RGS22: variants seen among roughly 807,000 people sequenced by gnomAD.
RGS22 encodes the protein regulator of G-protein signaling 22.
A neutral mutation model predicts 172.9 loss-of-function variants in RGS22; 148 were observed. The observed-to-expected ratio is 0.86, with a 90% CI of 0.75 to 0.98. The LOEUF (loss-of-function observed/expected upper bound fraction) is 0.98, where lower values mean the gene tolerates loss of function less well. RGS22 is among the 50% of genes least tolerant of loss of function. The probability of loss-of-function intolerance (pLI) is 0.00; values close to 1 mark genes in which losing one functional copy is unlikely to be tolerated. For missense variants in RGS22, 1,347 were observed against 1,440.8 expected (o/e 0.93, Z 1.05); for synonymous variants, 458 against 480.2 (o/e 0.95, Z 0.60).
chr8:99,991,704 A>G (rs1486357849), intron 20 of RGS22, among the ~76,000 whole-genome samples: 2 of 152,230 alleles, frequency 1.3e-5, no homozygotes, highest in Non-Finnish European at 2.9e-5. Context: ...TCAGGATATT[A>G]TCCAGGAGAA....
intron 3 of RGS22, among the ~76,000 whole-genome samples, chr8:100,089,976 AAC>A (rs1002753501): frequency 2.6e-5 from 4 of 152,266 alleles, no homozygotes; most frequent in African/African-American, 9.6e-5. Context: ...CCCTGATAAA[AAC>A]AGTTAAAAAG....
chr8:100,106,048 G>T lies in RGS22; in HGVS notation c.-127C>A. 1 of 1,168,798 alleles carries T rather than the reference G, an allele frequency of 8.6e-7. No individual in the cohort carries two copies. The highest frequency in any genetic ancestry group is 4.3e-5 in the South Asian group (1 of 23,380). The allele number at this position is 1,168,798 out of a possible 1,614,324, so 72.4% of individuals were successfully genotyped here. ...GGGCTCCGGAGCTACGCTGGCTAGCGTGGCCGGCGCCGCGCCGGGGTTGCT... is the reference window on the plus strand; with the variant it reads ...GGGCTCCGGAGCTACGCTGGCTAGCTTGGCCGGCGCCGCGCCGGGGTTGCT... On this transcript the variant is annotated 5_prime_UTR_variant, in exon 1 of 28. Transcript: ENST00000360863.
chr8:100,056,102 G>T (rs950451553), intron 9 of RGS22, among the ~76,000 whole-genome samples: 5 of 152,162 alleles, frequency 3.3e-5, no homozygotes, highest in African/African-American at 1.2e-4. Flanking sequence ...GGTTGAGGTG[G>T]TCTCAGACGG....
Position 99,961,019 on chromosome 8 carries a change from G to GA in RGS22, c.*222dup, listed in dbSNP as rs1319956029. The GA allele has an allele frequency of 2.9e-6, 1 of 343,602 alleles. No homozygotes were observed. The highest frequency in any genetic ancestry group is 5.3e-4 in the Middle Eastern group (1 of 1,882). 21.3% of individuals were successfully genotyped at this position (343,602 alleles called of 1,614,324 possible). A position where few individuals can be genotyped will look rare whatever the true frequency, so the allele number is the denominator to read the frequency against. On this transcript the variant is annotated 3_prime_UTR_variant, in exon 28 of 28. Transcript: ENST00000360863. ...TATAGTCTTGTATGTCATGTGTACAGAATAGCTATAATTTTAAAACTGCGA... is the reference window on the plus strand; with the variant it reads ...TATAGTCTTGTATGTCATGTGTACAGAAATAGCTATAATTTTAAAACTGCGA...
chr8:100,038,565 T>C, intron 14 of RGS22: 1 of 165,724 alleles, frequency 6.0e-6, no homozygotes, highest in Non-Finnish European at 1.3e-5. Context: ...TTGGTCAATG[T>C]CTCTGTTCCC....
intron 14 of RGS22, among the ~76,000 whole-genome samples, chr8:100,036,524 T>C (rs1819493671): frequency 6.6e-6 from 1 of 152,202 alleles, no homozygotes; most frequent in African/African-American, 2.4e-5. Context: ...TGTAAGTCTC[T>C]TGAAATCAAA....
At chr8:99,978,219 T>A (rs1308532282) in intron 22 of RGS22, 144 bp from the exon 23 acceptor site, 2 of 476,114 alleles carry the variant, frequency 4.2e-6, no homozygotes, top group African/African-American at 4.1e-5. Context: ...CTTGGTATAG[T>A]TTTGCTCAGC....
chr8:99,983,183 A>G (rs1394906146), intron 21 of RGS22, among the ~76,000 whole-genome samples: 1 of 152,068 alleles, frequency 6.6e-6, no homozygotes, highest in Non-Finnish European at 1.5e-5. Flanking sequence ...TATGTACCAC[A>G]TTTTCTTTAT....
intron 6 of RGS22, among the ~76,000 whole-genome samples, chr8:100,067,818 T>C (rs1048016515): frequency 6.6e-5 from 10 of 151,734 alleles, no homozygotes; most frequent in Non-Finnish European, 1.3e-4. Context: ...AGAGATGGGG[T>C]TTCACCATGT....
intron 14 of RGS22, among the ~76,000 whole-genome samples, chr8:100,026,910 G>A (rs1349051591): frequency 2.6e-5 from 4 of 152,166 alleles, no homozygotes; most frequent in Admixed American, 6.5e-5. Context: ...CCAGTAAAGC[G>A]AGAAATTATT....
chr8:100,049,370 G>T (rs1045754131), intron 10 of RGS22, among the ~76,000 whole-genome samples: 1 of 152,108 alleles, frequency 6.6e-6, no homozygotes, highest in African/African-American at 2.4e-5. Context: ...TTCTGCCAAG[G>T]AGACAGAGAG....
At chr8:100,054,939 A>G (rs1822090186) in intron 9 of RGS22, among the ~76,000 whole-genome samples, 1 of 152,226 alleles carries the variant, frequency 6.6e-6, no homozygotes, top group South Asian at 2.1e-4. Context: ...TGGAAGGAAC[A>G]GTGGGAAGCA....
chr8:100,047,683 C>G, intron 10 of RGS22, 87 bp from the exon 11 acceptor site: 1 of 1,240,892 alleles, frequency 8.1e-7, no homozygotes, highest in South Asian at 2.3e-5. Flanking sequence ...TCTCATCACT[C>G]GAGTACTTTT....
chr8:99,974,627 A>G (rs1588883164), intron 23 of RGS22, among the ~76,000 whole-genome samples: 3 of 151,416 alleles, frequency 2.0e-5, no homozygotes, highest in Middle Eastern at 6.9e-3. Context: ...GTGAAACCCC[A>G]TCTCTACTAA....
intron 5 of RGS22, 130 bp from the exon 6 acceptor site, chr8:100,071,667 T>C (rs1426988778): frequency 3.2e-5 from 18 of 569,864 alleles, no homozygotes; most frequent in Non-Finnish European, 5.2e-5. Context: ...TCTTTGGCTC[T>C]GCTAAAATTA....
chr8:99,976,961 G>A (rs147219673), intron 23 of RGS22, among the ~76,000 whole-genome samples: 1,743 of 152,164 alleles, frequency 0.011, 11 homozygotes, highest in Non-Finnish European at 0.017. Context: ...TTATTTGGGA[G>A]CAATTACCCC....
chr8:100,063,518 C>T lies in RGS22; in HGVS notation c.1250G>A (p.Arg417Lys), dbSNP rs1165596385. 6.8e-6 allele frequency: 11 copies of T among 1,613,842 alleles called. No individual in the cohort carries two copies. The highest frequency in any genetic ancestry group is 9.3e-6 in the Non-Finnish European group (11 of 1,179,902). The change falls in exon 8 of 28, where the codon AGA becomes AAA. Residue 417 changes from arginine (R) to lysine (K), a missense_variant. Physicochemically the swap from Arg to Lys is conservative, Grantham distance 26. Transcript: ENST00000360863. ...TGTACCTTTTATAAATTTCTTAAAT[C>T]TTTCAAACTCCTTTCTATTGCCAAT... is the stretch of plus-strand genomic sequence containing the variant. ...YDIGNRKEFERFKKFIKGTLG... is the reference protein window; with the variant it reads ...YDIGNRKEFEKFKKFIKGTLG...
chr8:99,999,705 T>C lies in RGS22; in HGVS notation c.2791-285A>G, dbSNP rs530730265. ...TTTTTATCCTGTGTGACCACAGCAA[T>C]GGCATTTTTTTCCCTCCATGGACTC... is the stretch of plus-strand genomic sequence containing the variant. On this transcript the variant is annotated intron_variant, in intron 18 of 27. Coordinates refer to ENST00000360863, the MANE Select transcript of RGS22 (RefSeq NM_015668.5). Among the ~76,000 whole-genome samples, 18 of 152,294 alleles carry C rather than the reference T, an allele frequency of 1.2e-4. No homozygotes were observed. In the South Asian group the frequency reaches 3.7e-3, roughly 32 times the overall value.
intron 14 of RGS22, among the ~76,000 whole-genome samples, chr8:100,015,414 T>A (rs1816838987): frequency 6.6e-6 from 1 of 152,138 alleles, no homozygotes; most frequent in Non-Finnish European, 1.5e-5. Context: ...TGTGTCAGCC[T>A]CCTGAGTAGC....
Sources: gnomAD v4.1 joint callset for allele counts (sites outside exome capture counted in the v4.1 genomes callset) on GRCh38, gnomAD v4.1.1 for gene constraint, MANE v1.5 for transcripts, NCBI Gene and HGNC (gene_info 2026-07-23, HGNC 2026-07-21) for gene names.